The following SLC6A13 variants were observed in gnomAD, a reference collection of about 807,000 sequenced individuals.
SLC6A13 encodes solute carrier family 6 member 13.
Under a neutral mutation model 72.9 loss-of-function variants are expected in SLC6A13, and 69 were observed. That is an observed-to-expected ratio of 0.95 (90% CI 0.78 to 1.16). The LOEUF is 1.16. Ranked by LOEUF, SLC6A13 falls within the 50% of genes most tolerant of loss-of-function variation. The pLI is 0.00. For synonymous variants in SLC6A13, 303 were observed against 303.0 expected (o/e 1.00, Z 0.00); for missense variants, 735 against 760.5 (o/e 0.97, Z 0.39).
chr12:234,747 A>G (rs1021629198), intron 7 of SLC6A13, among the ~76,000 whole-genome samples: 1 of 152,126 alleles, frequency 6.6e-6, no homozygotes, highest in Admixed American at 6.5e-5. Context: ...CGAATTCCTG[A>G]CATCAAATGA....
chr12:257,055 G>T (rs141342031), intron 2 of SLC6A13, among the ~76,000 whole-genome samples: 2,822 of 152,280 alleles, frequency 0.019, 38 homozygotes, highest in Middle Eastern at 0.027. Flanking sequence ...CTTTCAGGAA[G>T]AGGCAGCAGT....
At chr12:222,479 T>C (rs73038074) in intron 13 of SLC6A13, 53 bp downstream of exon 13, 31,157 of 1,182,838 alleles carry the variant, frequency 0.026, 535 homozygotes, top group Middle Eastern at 0.086. Context: ...CTACCCCTGC[T>C]AGCCACCGTC....
At chr12:245,577 G>C (rs1306780443) in intron 2 of SLC6A13, among the ~76,000 whole-genome samples, 1 of 152,186 alleles carries the variant, frequency 6.6e-6, no homozygotes, top group Non-Finnish European at 1.5e-5. Context: ...CTACTTGGGA[G>C]GCTGAGGCAG....
Position 220,954 on chromosome 12 carries a change from G to T in SLC6A13, c.1803C>A (p.His601Gln). The change falls in exon 15 of 15, where the codon CAC (histidine) becomes CAA (glutamine). Residue 601 changes from histidine (H) to glutamine (Q), a missense_variant. Transcript: ENST00000343164. ...CCATCCAAGGGCCTGCCCCCTAGCA[G>T]TGAGACTCTAGCTCTGTGAGTCTGA... is the stretch of plus-strand genomic sequence containing the variant. ...SLLRLTELES[H>Q]C is the part of the protein sequence containing the mutation. 6.2e-7 allele frequency: 1 copy of T among 1,612,686 alleles called. No individual in the cohort carries two copies. Among genetic ancestry groups the T allele is most frequent in the Non-Finnish European group, 8.5e-7 (1 of 1,179,938 alleles).
chr12:258,409 C>T (rs1200189183), intron 2 of SLC6A13, among the ~76,000 whole-genome samples: 3 of 152,258 alleles, frequency 2.0e-5, no homozygotes, highest in Admixed American at 1.3e-4. Context: ...TGGATGCGTT[C>T]GGCAGCTCTT....
intron 13 of SLC6A13, 78 bp from the exon 14 acceptor site, chr12:221,624 T>G: frequency 2.1e-6 from 2 of 970,622 alleles, no homozygotes; most frequent in Non-Finnish European, 3.1e-6. Context: ...CCCAGCAGCC[T>G]GGCAGAAATC....
chr12:256,543 C>A (rs1397766084), intron 2 of SLC6A13: 1 of 152,228 alleles, frequency 6.6e-6, no homozygotes, highest in African/African-American at 2.4e-5. Flanking sequence ...AGCTTCCCTG[C>A]CTTTTGACTA....
Position 254,435 on chromosome 12 carries a change from C to G in SLC6A13, c.202+5416G>C, listed in dbSNP as rs550561751. ...ATTGTCCCCAGCCCTCCACTGTAACCGCTCTTATCATCAATGACTTCCCAG... is the reference window on the plus strand; with the variant it reads ...ATTGTCCCCAGCCCTCCACTGTAACGGCTCTTATCATCAATGACTTCCCAG... On this transcript the variant is annotated intron_variant, in intron 2 of 14. Coordinates refer to ENST00000343164, the MANE Select transcript of SLC6A13 (RefSeq NM_016615.5). The surrounding 1 kb of genome is among the most constrained non-coding windows in gnomAD (Gnocchi z 4.4). Among the ~76,000 whole-genome samples the G allele has an allele frequency of 1.3e-5, 2 of 152,226 alleles. No individual in the cohort carries two copies. The highest frequency in any genetic ancestry group is 1.9e-4 in the East Asian group (1 of 5,198).
At chr12:235,811 G>T (rs1030113382) in intron 6 of SLC6A13, among the ~76,000 whole-genome samples, 1 of 152,172 alleles carries the variant, frequency 6.6e-6, no homozygotes, top group Non-Finnish European at 1.5e-5. Flanking sequence ...TCCTAGCAAG[G>T]AATATTAATA....
intron 2 of SLC6A13, 70 bp from the exon 3 acceptor site, chr12:243,883 A>G (rs1942256976): frequency 6.8e-7 from 1 of 1,477,716 alleles, no homozygotes; most frequent in South Asian, 1.3e-5. Flanking sequence ...ACCTCCTCCC[A>G]TTACCAACCC....
intron 7 of SLC6A13, among the ~76,000 whole-genome samples, chr12:232,117 GACAGAGTAAGC>G (rs1941732714): frequency 6.6e-6 from 1 of 152,210 alleles, no homozygotes; most frequent in Admixed American, 6.5e-5. Context: ...CAATGTCAGG[GACAGAGTAAGC>G]ACGCCCTAGT....
chr12:259,553 T>C, intron 2 of SLC6A13: 2 of 1,373,974 alleles, frequency 1.5e-6, no homozygotes, highest in East Asian at 2.6e-5. Context: ...TTAAGTAACT[T>C]GTCCAAGATC....
intron 2 of SLC6A13, among the ~76,000 whole-genome samples, chr12:246,082 C>A (rs1474502108): frequency 5.3e-5 from 8 of 150,282 alleles, no homozygotes; most frequent in Admixed American, 2.0e-4. Flanking sequence ...TGTGCCACTG[C>A]AATCCAGCCT....
Position 238,008 on chromosome 12 carries a change from G to A in SLC6A13, c.481C>T (p.His161Tyr). 1 of 1,613,270 alleles carries A rather than the reference G, an allele frequency of 6.2e-7. No individual in the cohort carries two copies. The highest frequency in any genetic ancestry group is 8.5e-7 in the Non-Finnish European group (1 of 1,179,256). ...GGCYHEWNTEHCMEFQKTNGS... is the reference protein window; with the variant it reads ...GGCYHEWNTEYCMEFQKTNGS... ...TTGGTCTTCTGGAACTCCATACAGTGTTCTACCCATGGGTCACGAGGAGGG... is the reference window on the plus strand; with the variant it reads ...TTGGTCTTCTGGAACTCCATACAGTATTCTACCCATGGGTCACGAGGAGGG... The change falls in exon 5 of 15, where the codon CAC (histidine) becomes TAC (tyrosine). Residue 161 changes from histidine (H) to tyrosine (Y), a missense_variant and splice_region_variant. By Grantham distance (83) the His-to-Tyr change is moderately conservative. Coordinates refer to ENST00000343164, the MANE Select transcript of SLC6A13 (RefSeq NM_016615.5).
intron 8 of SLC6A13, 43 bp downstream of exon 8, chr12:227,520 TAG>T: frequency 3.1e-6 from 5 of 1,611,270 alleles, no homozygotes; most frequent in Non-Finnish European, 4.2e-6. Context: ...GGAAGGACAG[TAG>T]AGAGATGCAG....
chr12:235,508 T>A (rs548332887), intron 6 of SLC6A13, among the ~76,000 whole-genome samples: 5 of 152,348 alleles, frequency 3.3e-5, no homozygotes, highest in African/African-American at 1.2e-4. Flanking sequence ...CTGTCTTTAC[T>A]TTAATCTCTT....
At chr12:232,067 C>G (rs958086295) in intron 7 of SLC6A13, among the ~76,000 whole-genome samples, 1 of 152,196 alleles carries the variant, frequency 6.6e-6, no homozygotes, top group Admixed American at 6.5e-5. Context: ...TGTTGATCTG[C>G]TGTGAGCGTT....
intron 6 of SLC6A13, 65 bp downstream of exon 6, chr12:237,092 TG>T: frequency 1.3e-6 from 2 of 1,579,964 alleles, no homozygotes; most frequent in Admixed American, 3.4e-5. Context: ...AGAGAACTCC[TG>T]GGTGACAGCC....
At chr12:229,090 G>A (rs1941599077) in intron 7 of SLC6A13, among the ~76,000 whole-genome samples, 1 of 152,144 alleles carries the variant, frequency 6.6e-6, no homozygotes, top group African/African-American at 2.4e-5. Flanking sequence ...GGTCTGTGAG[G>A]CAGGAGGTGC....
Sources: gnomAD v4.1 joint callset for allele counts (sites outside exome capture counted in the v4.1 genomes callset) on GRCh38, gnomAD v4.1.1 for gene constraint, Gnocchi (gnomAD v3.1) non-coding constraint, MANE v1.5 for transcripts, NCBI Gene and HGNC (gene_info 2026-07-23, HGNC 2026-07-21) for gene names.